The following BCAS3 variants were observed in gnomAD, a reference collection of about 807,000 sequenced individuals.
The protein encoded by BCAS3 is BCAS4/BCAS3 fusion.
BCAS3 carries 53 observed loss-of-function variants against 116.1 expected under a neutral mutation model. That is an observed-to-expected ratio of 0.46 (90% CI 0.37 to 0.57). The LOEUF is 0.57. BCAS3 is among the 20% of genes least tolerant of loss of function. The probability of loss-of-function intolerance (pLI) is 0.00; values close to 1 mark genes in which losing one functional copy is unlikely to be tolerated. For missense variants in BCAS3, 917 were observed against 1,165.4 expected (o/e 0.79, Z 3.10); for synonymous variants, 391 against 408.2 (o/e 0.96, Z 0.51).
chr17:61,315,470 G>A lies in BCAS3; in HGVS notation c.2426-52857G>A, dbSNP rs969644681. ...AGGGCATGCAGAGCAGTCTCGGAGC[G>A]GACGCTAGCTGGCAGCGGTGCCATT... On this transcript the variant is annotated intron_variant, in intron 22 of 23. Coordinates refer to ENST00000407086, the MANE Select transcript of BCAS3 (RefSeq NM_017679.5). The surrounding 1 kb of genome is among the most constrained non-coding windows in gnomAD (Gnocchi z 5.3). 1.4e-4 allele frequency among the ~76,000 whole-genome samples: 22 copies of A among 152,192 alleles called. No homozygotes were observed. Among genetic ancestry groups the A allele is most frequent in the Admixed American group, 7.9e-4 (12 of 15,278 alleles).
intron 14 of BCAS3, among the ~76,000 whole-genome samples, chr17:60,970,705 A>G (rs2061911124): frequency 2.0e-5 from 3 of 152,210 alleles, no homozygotes; most frequent in Admixed American, 2.0e-4. Context: ...GCTGTATGAT[A>G]AAAAATAAAA....
intron 21 of BCAS3, among the ~76,000 whole-genome samples, chr17:61,080,485 C>T (rs1318353549): frequency 1.3e-5 from 2 of 152,030 alleles, no homozygotes; most frequent in Non-Finnish European, 2.9e-5. Context: ...TGGCTCACGC[C>T]TGTAATCCCA....
At chr17:60,750,832 T>C (rs1283775970) in intron 6 of BCAS3, among the ~76,000 whole-genome samples, 2 of 152,364 alleles carry the variant, frequency 1.3e-5, no homozygotes, top group Non-Finnish European at 2.9e-5. Context: ...AGAATACTTA[T>C]GTCCTTCTAA....
chr17:60,708,060 A>G (rs190306951), intron 4 of BCAS3, among the ~76,000 whole-genome samples: 286 of 152,206 alleles, frequency 1.9e-3, no homozygotes, highest in Non-Finnish European at 3.2e-3. Flanking sequence ...GTGATGGCTT[A>G]TACCTGCAAT....
chr17:61,129,893 A>G (rs2076240211), intron 22 of BCAS3, among the ~76,000 whole-genome samples: 1 of 152,218 alleles, frequency 6.6e-6, no homozygotes, highest in African/African-American at 2.4e-5. Context: ...TCATTTCATT[A>G]TTTCTGTCTT....
At chr17:61,238,965 A>G (rs2083274892) in intron 22 of BCAS3, among the ~76,000 whole-genome samples, 1 of 152,202 alleles carries the variant, frequency 6.6e-6, no homozygotes, top group Non-Finnish European at 1.5e-5. Context: ...TATTGCAGAT[A>G]GTCCAGACAA....
At chr17:60,775,098 T>G (rs1222922460) in intron 6 of BCAS3, among the ~76,000 whole-genome samples, 1 of 152,222 alleles carries the variant, frequency 6.6e-6, no homozygotes, top group African/African-American at 2.4e-5. Flanking sequence ...GAATTTCATT[T>G]GTAAGACAGT....
chr17:60,694,154 G>A (rs2035261608), intron 4 of BCAS3, among the ~76,000 whole-genome samples: 1 of 151,218 alleles, frequency 6.6e-6, no homozygotes, highest in African/African-American at 2.4e-5. Context: ...CCAAAGTGCT[G>A]GGATTACAGG....
intron 19 of BCAS3, among the ~76,000 whole-genome samples, chr17:61,045,849 C>A (rs191222498): frequency 0.38 from 2,957 of 7,784 alleles, 204 homozygotes; most frequent in South Asian, 0.41. Flanking sequence ...CTCTCTCTCT[C>A]TATATATATA....
At chr17:60,684,748 A>G (rs777962100) in intron 3 of BCAS3, among the ~76,000 whole-genome samples, 2 of 152,124 alleles carry the variant, frequency 1.3e-5, no homozygotes, top group Admixed American at 6.6e-5. Context: ...TAGTGGGACT[A>G]CTGAAGGGAA....
rs116618619 is a variant in BCAS3, at chr17:61,122,473, G to C, written c.2425+37909G>C. ...TGGCTGGAAGAGCTGTTGTAGAGGA[G>C]CTTCTTTAGATAGGAAGCCATGAGG... On this transcript the variant is annotated intron_variant, in intron 22 of 23. Coordinates refer to ENST00000407086, the MANE Select transcript of BCAS3 (RefSeq NM_017679.5). The surrounding 1 kb of genome is among the most constrained non-coding windows in gnomAD (Gnocchi z 4.6). Among the ~76,000 whole-genome samples, 1,525 of 152,270 alleles carry C rather than the reference G, an allele frequency of 0.01. 32 individuals carry two copies. Among genetic ancestry groups the C allele is most frequent in the African/African-American group, 0.035 (1,463 of 41,536 alleles).
At chr17:61,334,274 G>C (rs114556540) in intron 22 of BCAS3, among the ~76,000 whole-genome samples, 3,546 of 152,302 alleles carry the variant, frequency 0.023, 141 homozygotes, top group African/African-American at 0.079. Flanking sequence ...GGAGACAAGG[G>C]TGAGCTGGAT....
chr17:61,332,891 T>C lies in BCAS3; in HGVS notation c.2426-35436T>C, dbSNP rs779091692. Among the ~76,000 whole-genome samples, 12 of 152,188 alleles carry C rather than the reference T, an allele frequency of 7.9e-5. No homozygotes were observed. Among genetic ancestry groups the C allele is most frequent in the Non-Finnish European group, 1.6e-4 (11 of 68,022 alleles). ...TTGGCCTCCCAAAGTGCTGGGATTA[T>C]AGGCGTGAGCCATGGCACCCGGCCT... is the stretch of plus-strand genomic sequence containing the variant. On this transcript the variant is annotated intron_variant, in intron 22 of 23. Coordinates refer to ENST00000407086, the MANE Select transcript of BCAS3 (RefSeq NM_017679.5). The surrounding 1 kb of genome is among the most constrained non-coding windows in gnomAD (Gnocchi z 5.4).
chr17:61,375,972 ACTTTGC>A (rs2059319971), intron 23 of BCAS3, among the ~76,000 whole-genome samples: 1 of 152,162 alleles, frequency 6.6e-6, no homozygotes, highest in African/African-American at 2.4e-5. Context: ...ACCACATTTG[ACTTTGC>A]AGACATTTCA....
In BCAS3 at chr17:61,244,330, T is replaced by C. The variant is rs556399293; in HGVS notation, c.2426-123997T>C. 2.0e-5 allele frequency among the ~76,000 whole-genome samples: 3 copies of C among 152,332 alleles called. No homozygotes were observed. The East Asian group carries it at 5.8e-4, about 29-fold the overall frequency. ...TTGTAAAATGAAATCACACTGAGCTTATTTACCATTAGGTAATGAGTCTTA... is the reference window on the plus strand; with the variant it reads ...TTGTAAAATGAAATCACACTGAGCTCATTTACCATTAGGTAATGAGTCTTA... On this transcript the variant is annotated intron_variant, in intron 22 of 23. Coordinates refer to ENST00000407086, the MANE Select transcript of BCAS3 (RefSeq NM_017679.5). This position sits in a 1 kb window ranked among gnomAD's most constrained non-coding sequence, Gnocchi z 4.9.
intron 22 of BCAS3, among the ~76,000 whole-genome samples, chr17:61,263,422 C>G (rs2049394792): frequency 6.6e-6 from 1 of 152,214 alleles, no homozygotes; most frequent in South Asian, 2.1e-4. Flanking sequence ...ACCTGTTCCT[C>G]CTTTTGCCCT....
chr17:61,005,255 T>C (rs1281968442), intron 15 of BCAS3, among the ~76,000 whole-genome samples: 1 of 152,106 alleles, frequency 6.6e-6, no homozygotes, highest in Non-Finnish European at 1.5e-5. Flanking sequence ...ACTATTAGTA[T>C]TCGTGTGGTG....
At chr17:60,851,796 C>T in intron 7 of BCAS3, 2 of 1,196,902 alleles carry the variant, frequency 1.7e-6, no homozygotes, top group Non-Finnish European at 2.5e-6. Flanking sequence ...CTTGTACAAT[C>T]CAGAGGAATA....
rs2064909045 is a variant in BCAS3 at position 61,008,873 on chromosome 17, T to C, written c.1487-6878T>C. On this transcript the variant is annotated intron_variant, in intron 15 of 23. Coordinates refer to ENST00000407086, the MANE Select transcript of BCAS3 (RefSeq NM_017679.5). This position sits in a 1 kb window ranked among gnomAD's most constrained non-coding sequence, Gnocchi z 4.6. The stretch of plus-strand genomic sequence containing the variant: ...CTGGGGCTGTTTCCGTAGAATTGTC[T>C]TCTGAGGAGTGCCAGAGAGTCACAT... Among the ~76,000 whole-genome samples the C allele has an allele frequency of 6.6e-6, 1 of 152,034 alleles. No individual in the cohort carries two copies. The highest frequency in any genetic ancestry group is 2.1e-4 in the South Asian group (1 of 4,828).
Sources: gnomAD v4.1 joint callset for allele counts (sites outside exome capture counted in the v4.1 genomes callset) on GRCh38, gnomAD v4.1.1 for gene constraint, Gnocchi (gnomAD v3.1) non-coding constraint, MANE v1.5 for transcripts, NCBI Gene and HGNC (gene_info 2026-07-23, HGNC 2026-07-21) for gene names.